MDC1: variants seen among roughly 807,000 people sequenced by gnomAD.
MDC1 encodes mediator of DNA damage checkpoint 1, also known as mediator of DNA damage checkpoint protein 1.
A neutral mutation model predicts 142.5 loss-of-function variants in MDC1; 81 were observed. The observed-to-expected ratio is 0.57, with a 90% CI of 0.47 to 0.68. The LOEUF is 0.68. Ranked by LOEUF, MDC1 falls within the 30% of genes least tolerant of loss-of-function variation. The probability of loss-of-function intolerance (pLI) is 0.00; values close to 1 mark genes in which losing one functional copy is unlikely to be tolerated. For synonymous variants in MDC1, 797 were observed against 968.4 expected (o/e 0.82, Z 3.29); for missense variants, 2,119 against 2,547.9 (o/e 0.83, Z 3.62).
Position 30,708,147 on chromosome 6 carries a change from T to C in MDC1, c.2432A>G (p.Asp811Gly), listed in dbSNP as rs747603708. The C allele has an allele frequency of 1.6e-5, 26 of 1,613,004 alleles. No homozygotes were observed. The highest frequency in any genetic ancestry group is 5.3e-5 in the African/African-American group (4 of 74,912). ...GIQGRGRQTV[D>G]KVMGIPKETA... ...TTCTTTTGGTATACCCATGACTTTATCCACAGTCTGCCTCCCTCTGCCTTG... is the reference window on the plus strand; with the variant it reads ...TTCTTTTGGTATACCCATGACTTTACCCACAGTCTGCCTCCCTCTGCCTTG... The change falls in exon 8 of 15, where the codon GAT (aspartate) becomes GGT (glycine). Residue 811 changes from aspartate to glycine, a missense_variant. By Grantham distance (94) the Asp-to-Gly change is moderately conservative. Coordinates refer to ENST00000376406, the MANE Select transcript of MDC1 (RefSeq NM_014641.3).
Position 30,703,803 on chromosome 6 carries a change from C to G in MDC1, c.5380G>C (p.Ala1794Pro). Residue 1794 changes from alanine to proline, a missense_variant, in exon 10 of 15, where the codon GCA (alanine) becomes CCA (proline). Coordinates refer to ENST00000376406, the MANE Select transcript of MDC1 (RefSeq NM_014641.3). This position sits in a 1 kb window ranked among gnomAD's most constrained non-coding sequence, Gnocchi z 4.4. ...TCCGGGGTGAACCTAGATCTACCTG[C>G]TGGTTCCACCTTTTGGATCTGGGAG... is the stretch of plus-strand genomic sequence containing the variant. ...HASQIQKVEP[A>P]GRSRFTPELQ... is the part of the protein sequence containing the mutation. The G allele has an allele frequency of 6.2e-7, 1 of 1,601,428 alleles. No individual in the cohort carries two copies. Among genetic ancestry groups the G allele is most frequent in the Non-Finnish European group, 8.5e-7 (1 of 1,173,946 alleles).
Position 30,711,908 on chromosome 6 carries a change from C to T in MDC1, c.2034G>A (p.Val678=), listed in dbSNP as rs2127713409. 6.5e-7 allele frequency: 1 copy of T among 1,536,184 alleles called. No individual in the cohort carries two copies. Among genetic ancestry groups the T allele is most frequent in the South Asian group, 1.3e-5 (1 of 77,510 alleles). The change falls in exon 5 of 15, where the codon GTG becomes GTA. Residue 678 remains valine, a synonymous_variant. Coordinates refer to ENST00000376406, the MANE Select transcript of MDC1 (RefSeq NM_014641.3). ...TGTCTTCAGAGTCCTTGGTCCCACC[C>T]ACATGTTGTTCTCTCTCCCTTCCTG... ...VPTGREREQH[V]GGTKDSEDNY...
Position 30,705,719 on chromosome 6 carries a change from A to C in MDC1, c.3464T>G (p.Val1155Gly). ...ATRSRTNRSS[V>G]KTPEPVVPTA... Reference sequence around the variant, plus strand: ...GGGGACAACTGGTTCAGGGGTCTTGACAGAGGACCTATTTGTCCTGCTCCT... The same window carrying C: ...GGGGACAACTGGTTCAGGGGTCTTGCCAGAGGACCTATTTGTCCTGCTCCT... Residue 1155 changes from valine to glycine, a missense_variant, in exon 10 of 15, where the codon GTC (valine) becomes GGC (glycine). By Grantham distance (109) the Val-to-Gly change is moderately radical. Coordinates refer to ENST00000376406, the MANE Select transcript of MDC1 (RefSeq NM_014641.3). 1 of 1,613,166 alleles carries C rather than the reference A, an allele frequency of 6.2e-7. No individual in the cohort carries two copies. Among genetic ancestry groups the C allele is most frequent in the Non-Finnish European group, 8.5e-7 (1 of 1,179,582 alleles).
rs766619009 is a variant in MDC1, at chr6:30,711,666, C to T, written c.2128+1G>A. The T allele has an allele frequency of 7.2e-5, 116 of 1,612,788 alleles. No individual in the cohort carries two copies. The highest frequency in any genetic ancestry group is 9.2e-5 in the Non-Finnish European group (108 of 1,179,964). ...GATTCAAATAACACAGAAGTCCTCA[C>T]CTTCCAGGCCCTGATTCTCCAGAAA... On this transcript the variant is annotated splice_donor_variant, in intron 6 of 14. Coordinates refer to ENST00000376406, the MANE Select transcript of MDC1 (RefSeq NM_014641.3). LOFTEE classifies it high-confidence loss of function.
Position 30,707,733 on chromosome 6 carries a change from CCT to C in MDC1, c.2844_2845del (p.Glu950AlafsTer65). On this transcript the variant is annotated frameshift_variant, in exon 8 of 15. Transcript: ENST00000376406. LOFTEE classifies it high-confidence loss of function. ...GTCCTGGCTCCCTCCCTCTGGCTCC[CCT>C]CTCTGTGTATCTCTCTCCAGGATCA... 5 of 1,613,044 alleles carry C rather than the reference CCT, an allele frequency of 3.1e-6. No individual in the cohort carries two copies. Among genetic ancestry groups the C allele is most frequent in the Non-Finnish European group, 4.2e-6 (5 of 1,180,026 alleles).
In MDC1 at chr6:30,700,366, A is replaced by C. The variant is rs118122910; in HGVS notation, c.*99T>G. On this transcript the variant is annotated 3_prime_UTR_variant, in exon 15 of 15. Coordinates refer to ENST00000376406, the MANE Select transcript of MDC1 (RefSeq NM_014641.3). ...CTGGTCCCACCCATGTTCCAGGACA[A>C]GTTGTATCAATATACCCCAATCCTT... The C allele has an allele frequency of 7.8e-3, 9,723 of 1,239,348 alleles. 245 individuals are homozygous for C. The highest frequency in any genetic ancestry group is 0.073 in the East Asian group (3,032 of 41,380). The allele number at this position is 1,239,348 out of a possible 1,614,324, so 76.8% of individuals were successfully genotyped here.
chr6:30,714,903 G>T, intron 2 of MDC1, 137 bp downstream of exon 2: 2 of 862,828 alleles, frequency 2.3e-6, no homozygotes, highest in Non-Finnish European at 3.6e-6. Flanking sequence ...AACTCAATCG[G>T]CCCCATCTCT....
Position 30,702,794 on chromosome 6 carries a change from A to C in MDC1, c.5949T>G (p.Leu1983=). ...CCCGAGCCCTGCTCAGTGCGTCTTGAAGGCTAAAGCCAAAGTTCTTCTCTT... is the reference window on the plus strand; with the variant it reads ...CCCGAGCCCTGCTCAGTGCGTCTTGCAGGCTAAAGCCAAAGTTCTTCTCTT... ...PEQEKNFGFS[L]QDALSRARER... is the part of the protein sequence containing the mutation. The change falls in exon 13 of 15, where the codon CTT becomes CTG. Residue 1983 remains leucine (L), a synonymous_variant. Coordinates refer to ENST00000376406, the MANE Select transcript of MDC1 (RefSeq NM_014641.3). 1 of 1,613,148 alleles carries C rather than the reference A, an allele frequency of 6.2e-7. No individual in the cohort carries two copies.
chr6:30,713,002 C>T lies in MDC1; in HGVS notation c.940G>A (p.Ala314Thr). 1.9e-6 allele frequency: 3 copies of T among 1,612,740 alleles called. No individual in the cohort carries two copies. Among genetic ancestry groups the T allele is most frequent in the Non-Finnish European group, 2.5e-6 (3 of 1,179,788 alleles). The stretch of plus-strand genomic sequence containing the variant: ...TGAGCCCTTTCCAAATGGACCTCAG[C>T]TGGCCTTCCAGGAGGCCTGCTGTCA... ...DDDSRPPGRP[A>T]EVHLERAQPF... Residue 314 changes from alanine (A) to threonine (T), a missense_variant, in exon 5 of 15, where the codon GCT becomes ACT. Transcript: ENST00000376406. The surrounding 1 kb of genome is among the most constrained non-coding windows in gnomAD (Gnocchi z 4.9).
In MDC1 at chr6:30,704,964, G is replaced by A; in HGVS notation, c.4219C>T (p.Leu1407Phe). The A allele has an allele frequency of 6.4e-7, 1 of 1,571,354 alleles. No individual in the cohort carries two copies. ...TCGAGCTTAGGGGCTGTGGGGACAA[G>A]TGTTTCAGGGGTCTTGCCAGAGGAT... is the stretch of plus-strand genomic sequence containing the variant. ...NRSSGKTPET[L>F]VPTAPKLEPS... Residue 1407 changes from leucine (L) to phenylalanine (F), a missense_variant, in exon 10 of 15, where the codon CTT becomes TTT. Coordinates refer to ENST00000376406, the MANE Select transcript of MDC1 (RefSeq NM_014641.3).
rs747463459 is a variant in MDC1 at position 30,703,986 on chromosome 6, G to A, written c.5197C>T (p.Leu1733Phe). 6.2e-7 allele frequency: 1 copy of A among 1,614,186 alleles called. No homozygotes were observed. Among genetic ancestry groups the A allele is most frequent in the Admixed American group, 1.7e-5 (1 of 60,024 alleles). ...GGCTTATGGTCAATGGGAGCTGCGA[G>A]GGAGCCAGGGTTCCCAGCGGCTCTC... ...RQRAAGNPGSLAAPIDHKPCS... is the reference protein window; with the variant it reads ...RQRAAGNPGSFAAPIDHKPCS... The change falls in exon 10 of 15, where the codon CTC becomes TTC. Residue 1733 changes from leucine (L) to phenylalanine (F), a missense_variant. By Grantham distance (22) the Leu-to-Phe change is conservative. Coordinates refer to ENST00000376406, the MANE Select transcript of MDC1 (RefSeq NM_014641.3). This position sits in a 1 kb window ranked among gnomAD's most constrained non-coding sequence, Gnocchi z 4.4.
rs1317103587 is a variant in MDC1 at position 30,705,976 on chromosome 6, G to A, written c.3207C>T (p.Pro1069=). 3 of 1,613,704 alleles carry A rather than the reference G, an allele frequency of 1.9e-6. No homozygotes were observed. Among genetic ancestry groups the A allele is most frequent in the Middle Eastern group, 1.7e-4 (1 of 6,058 alleles). The part of the protein sequence containing the change: ...KHLAPPPLLS[P]LLPSIKPTVR... Reference sequence around the variant, plus strand: ...CGGTTGGCTTGATAGAAGGTAAAAGGGGAGAAAGAAGGGGCGGAGGTGCAA... The same window carrying A: ...CGGTTGGCTTGATAGAAGGTAAAAGAGGAGAAAGAAGGGGCGGAGGTGCAA... The change falls in exon 10 of 15, where the codon CCC becomes CCT. Residue 1069 remains proline (P), a synonymous_variant. Coordinates refer to ENST00000376406, the MANE Select transcript of MDC1 (RefSeq NM_014641.3).
chr6:30,714,905 C>G (rs1006685324), intron 2 of MDC1, 135 bp downstream of exon 2: 1 of 892,408 alleles, frequency 1.1e-6, no homozygotes. Context: ...CTCAATCGGC[C>G]CCATCTCTTC....
intron 7 of MDC1, among the ~76,000 whole-genome samples, chr6:30,710,090 C>CT (rs966576108): frequency 1.5e-4 from 23 of 150,590 alleles, no homozygotes; most frequent in Admixed American, 1.3e-3. Context: ...TACACATTTT[C>CT]TTTTTTTTTA....
At chr6:30,714,770 C>A (rs371930229) in intron 2 of MDC1, among the ~76,000 whole-genome samples, 1 of 152,104 alleles carries the variant, frequency 6.6e-6, no homozygotes, top group Non-Finnish European at 1.5e-5. Flanking sequence ...TCTGCCTTGG[C>A]CTCTCAAAGC....
In MDC1 at chr6:30,714,049, C is replaced by A; in HGVS notation, c.271G>T (p.Asp91Tyr). Residue 91 changes from aspartate to tyrosine, a missense_variant, in exon 3 of 15, where the codon GAC becomes TAC. Physicochemically the swap from Asp to Tyr is radical, Grantham distance 160. Transcript: ENST00000376406. ...TGAGTACCATTAAGGCTCCCACAGT[C>A]TCGGAGGATAGGTGCCTTGTCCCAG... is the stretch of plus-strand genomic sequence containing the variant. ...LAWDKAPILR[D>Y]CGSLNGTQIL... 1 of 1,612,970 alleles carries A rather than the reference C, an allele frequency of 6.2e-7. No homozygotes were observed. Among genetic ancestry groups the A allele is most frequent in the Non-Finnish European group, 8.5e-7 (1 of 1,180,024 alleles).
At position 30,704,556 on chromosome 6, in the gene MDC1, T is replaced by C. The variant is rs147678308; in HGVS notation, c.4627A>G (p.Thr1543Ala). ...AAPELQPSTS[T>A]DQPVTPEPTS... is the part of the protein sequence containing the mutation. Reference sequence around the variant, plus strand: ...GGCTCAGGGGTGACAGGTTGGTCTGTGGAGGTGGAAGGCTGGAGCTCAGGG... The same window carrying C: ...GGCTCAGGGGTGACAGGTTGGTCTGCGGAGGTGGAAGGCTGGAGCTCAGGG... The change falls in exon 10 of 15, where the codon ACA (threonine) becomes GCA (alanine). Residue 1543 changes from threonine (T) to alanine (A), a missense_variant. By Grantham distance (58) the Thr-to-Ala change is moderately conservative. Coordinates refer to ENST00000376406, the MANE Select transcript of MDC1 (RefSeq NM_014641.3). 3 of 1,608,068 alleles carry C rather than the reference T, an allele frequency of 1.9e-6. No homozygotes were observed. The African/African-American group carries it at 4.0e-5, about 22-fold the overall frequency.
intron 7 of MDC1, among the ~76,000 whole-genome samples, chr6:30,708,572 A>G (rs116771969): frequency 0.019 from 2,900 of 152,268 alleles, 40 homozygotes; most frequent in South Asian, 0.063. Flanking sequence ...TCATAGCCTT[A>G]GGCGGGCATG....
At position 30,711,424 on chromosome 6, in the gene MDC1, A is replaced by G; in HGVS notation, c.2209T>C (p.Phe737Leu). The G allele has an allele frequency of 1.2e-6, 2 of 1,613,016 alleles. No homozygotes were observed. Among genetic ancestry groups the G allele is most frequent in the Non-Finnish European group, 1.7e-6 (2 of 1,179,930 alleles). Reference protein sequence around the residue: ...PQELGPSHCSFQTTGTLDEPW... With the variant: ...PQELGPSHCSLQTTGTLDEPW... Reference sequence around the variant, plus strand: ...GAGTTTCTTATACCTGTTGTCTGGAAGCTGCAATGGGAAGGGCCAAGCTCT... The same window carrying G: ...GAGTTTCTTATACCTGTTGTCTGGAGGCTGCAATGGGAAGGGCCAAGCTCT... The change falls in exon 7 of 15, where the codon TTC becomes CTC. Residue 737 changes from phenylalanine to leucine, a missense_variant. Phe to Leu is a conservative substitution (Grantham distance 22). Coordinates refer to ENST00000376406, the MANE Select transcript of MDC1 (RefSeq NM_014641.3).
Sources: gnomAD v4.1 joint callset for allele counts (sites outside exome capture counted in the v4.1 genomes callset) on GRCh38, gnomAD v4.1.1 for gene constraint, Gnocchi (gnomAD v3.1) non-coding constraint, MANE v1.5 for transcripts, NCBI Gene and HGNC (gene_info 2026-07-23, HGNC 2026-07-21) for gene names.